ITGB2: variants seen among roughly 807,000 people sequenced by gnomAD.
ITGB2 encodes the protein integrin beta-2.
A neutral mutation model predicts 86.8 loss-of-function variants in ITGB2; 56 were observed. The observed-to-expected ratio is 0.65, with a 90% CI of 0.52 to 0.81. The LOEUF (loss-of-function observed/expected upper bound fraction) is 0.81. ITGB2 is among the 30% of genes least tolerant of loss of function. The pLI, the probability that ITGB2 is intolerant of heterozygous loss-of-function variation, is 0.00. For synonymous variants in ITGB2, 457 were observed against 450.4 expected (o/e 1.01, Z -0.19); for missense variants, 948 against 1,061.2 (o/e 0.89, Z 1.48).
At chr21:44,888,987 G>T in intron 13 of ITGB2, 92 bp from the exon 14 acceptor site, 3 of 1,200,268 alleles carry the variant, frequency 2.5e-6, no homozygotes, top group Non-Finnish European at 3.6e-6. Flanking sequence ...ACCAGGGGGG[G>T]CAGGTGGGGT....
rs55865320 is a variant in ITGB2 at position 44,901,744 on chromosome 21, C to A, written c.500-11G>T. The A allele has an allele frequency of 0.17, 279,161 of 1,603,694 alleles. 25,438 individuals are homozygous for A. Among genetic ancestry groups the A allele is most frequent in the Middle Eastern group, 0.29 (1,765 of 6,026 alleles). ...CGAAGGACCCGAAGCCTGCAGGGCA[C>A]ATGGAGGGGCTGGGGAGGTGGCAGG... On this transcript the variant is annotated splice_polypyrimidine_tract_variant and intron_variant, in intron 5 of 15. Transcript: ENST00000652462.
At chr21:44,901,956 G>A (rs1371997657) in intron 5 of ITGB2, 6 of 585,250 alleles carry the variant, frequency 1.0e-5, no homozygotes. Context: ...CAATGTACAT[G>A]GATGAGCATA....
At chr21:44,893,380 G>A in intron 10 of ITGB2, 24 bp downstream of exon 10, 1 of 1,612,712 alleles carries the variant, frequency 6.2e-7, no homozygotes, top group Non-Finnish European at 8.5e-7. Flanking sequence ...AAGCTGGGAT[G>A]GGGACCCTTG....
chr21:44,892,103 G>C, intron 10 of ITGB2, 107 bp from the exon 11 acceptor site: 1 of 1,126,890 alleles, frequency 8.9e-7, no homozygotes, highest in South Asian at 1.3e-5. Flanking sequence ...GGGGTTCAGC[G>C]TGGGGAGGAA....
intron 5 of ITGB2, among the ~76,000 whole-genome samples, chr21:44,903,035 A>G (rs1024529761): frequency 2.0e-5 from 3 of 152,198 alleles, no homozygotes; most frequent in African/African-American, 7.2e-5. Context: ...TGTGCCGTCT[A>G]TATGTGTTGT....
intron 9 of ITGB2, 153 bp from the exon 10 acceptor site, chr21:44,893,697 G>C (rs1014028395): frequency 1.9e-5 from 20 of 1,031,028 alleles, no homozygotes; most frequent in Non-Finnish European, 2.9e-5. Context: ...AGGATGTGCT[G>C]AGGATGGCAG....
At chr21:44,895,986 C>T (rs1287720200) in intron 8 of ITGB2, among the ~76,000 whole-genome samples, 1 of 152,140 alleles carries the variant, frequency 6.6e-6, no homozygotes, top group African/African-American at 2.4e-5. Context: ...ATTGTCCAGG[C>T]CTGCCCGTGT....
chr21:44,919,021 G>GAGCGTCCCCT (rs2084254519), intron 1 of ITGB2, among the ~76,000 whole-genome samples: 11 of 40,268 alleles, frequency 2.7e-4, no homozygotes, highest in South Asian at 5.3e-4. Flanking sequence ...GCACTCGGAG[G>GAGCGTCCCCT]CACCTGCAGT....
intron 6 of ITGB2, 77 bp from the exon 7 acceptor site, chr21:44,900,552 G>A: frequency 6.4e-7 from 1 of 1,574,158 alleles, no homozygotes; most frequent in Non-Finnish European, 8.7e-7. Context: ...AGGAGACGAT[G>A]CAGAGCTGGT....
In ITGB2 at chr21:44,886,242, A is replaced by G. The variant is rs2083696300; in HGVS notation, c.*126T>C. On this transcript the variant is annotated 3_prime_UTR_variant, in exon 16 of 16. Transcript: ENST00000652462. ...CCGGCCGGCCATGGCTGTCATTTTG[A>G]GGGCGGAAAATAACTGGATTTCTGG... The G allele has an allele frequency of 8.3e-6, 8 of 964,574 alleles. No individual in the cohort carries two copies. In the South Asian group the frequency reaches 1.0e-4, roughly 13 times the overall value. 59.8% of individuals were successfully genotyped at this position (964,574 alleles called of 1,614,324 possible).
chr21:44,921,601 G>A (rs2084305989), upstream of ITGB2, among the ~76,000 whole-genome samples: 1 of 151,886 alleles, frequency 6.6e-6, no homozygotes, highest in South Asian at 2.1e-4. Flanking sequence ...AGAGGAGGAG[G>A]AGGAGGAAGA....
At chr21:44,899,246 T>G in intron 7 of ITGB2, 84 bp from the exon 8 acceptor site, 1 of 1,044,490 alleles carries the variant, frequency 9.6e-7, no homozygotes, top group South Asian at 1.3e-5. Context: ...CCGCTCAGCG[T>G]CAGCCCTGCC....
Position 44,903,547 on chromosome 21 carries a change from G to A in ITGB2, c.329-12C>T. 1 of 1,613,864 alleles carries A rather than the reference G, an allele frequency of 6.2e-7. No homozygotes were observed. Among genetic ancestry groups the A allele is most frequent in the Non-Finnish European group, 8.5e-7 (1 of 1,179,898 alleles). On this transcript the variant is annotated splice_polypyrimidine_tract_variant and intron_variant, in intron 4 of 15. Coordinates refer to ENST00000652462, the MANE Select transcript of ITGB2 (RefSeq NM_000211.5). ...CGCTGCTGCCTGGCCTGCCGGTGGG[G>A]ACAGAACAAAAGGAGCCACACCTCA...
intron 1 of ITGB2, chr21:44,911,435 G>C (rs925681846): frequency 2.0e-5 from 3 of 153,498 alleles, no homozygotes; most frequent in African/African-American, 7.2e-5. Context: ...GCCTGTGCTT[G>C]GAGGAGAGCT....
At chr21:44,891,730 G>T (rs1392186513) in intron 11 of ITGB2, 79 bp downstream of exon 11, 1 of 1,503,900 alleles carries the variant, frequency 6.6e-7, no homozygotes, top group Non-Finnish European at 9.1e-7. Context: ...GGAGCCACCT[G>T]CACCCACCTC....
At position 44,888,909 on chromosome 21, in the gene ITGB2, G is replaced by T. The variant is rs1376407523; in HGVS notation, c.1878-14C>A. Reference sequence around the variant, plus strand: ...TCGGCGCAGGAGCTGCGGGGAGCCAGGTGTGAGCATCGGTGCCAGGGTGTG... The same window carrying T: ...TCGGCGCAGGAGCTGCGGGGAGCCATGTGTGAGCATCGGTGCCAGGGTGTG... On this transcript the variant is annotated splice_polypyrimidine_tract_variant and intron_variant, in intron 13 of 15. Transcript: ENST00000652462. The T allele has an allele frequency of 3.1e-6, 5 of 1,601,442 alleles. No individual in the cohort carries two copies. Among genetic ancestry groups the T allele is most frequent in the Non-Finnish European group, 4.2e-6 (5 of 1,179,632 alleles).
intron 13 of ITGB2, 37 bp downstream of exon 13, chr21:44,889,239 G>C (rs763253624): frequency 4.4e-6 from 7 of 1,595,378 alleles, no homozygotes; most frequent in Non-Finnish European, 6.0e-6. Context: ...GGGGAGTGGG[G>C]ATCCCTGCCC....
Position 44,888,695 on chromosome 21 carries a change from C to T in ITGB2, c.2078G>A (p.Arg693Gln), listed in dbSNP as rs200335681. ...CCGCTGCACCCCAGCGGCCTCACCT[C>T]GGCTCTCATCCACATAGATGAGGTA... ...DRYLIYVDES[R>Q]ECVAGPNIAA... is the part of the protein sequence containing the mutation. The change falls in exon 14 of 16, where the codon CGA becomes CAA. Residue 693 changes from arginine to glutamine, a missense_variant and splice_region_variant. Arg to Gln is a conservative substitution (Grantham distance 43). Transcript: ENST00000652462. 119 of 1,607,680 alleles carry T rather than the reference C, an allele frequency of 7.4e-5. No individual in the cohort carries two copies. Among genetic ancestry groups the T allele is most frequent in the Admixed American group, 2.7e-4 (16 of 60,032 alleles).
Position 44,886,920 on chromosome 21 carries a change from C to T in ITGB2, c.2081-18G>A. The T allele has an allele frequency of 3.1e-6, 5 of 1,611,132 alleles. No individual in the cohort carries two copies. Among genetic ancestry groups the T allele is most frequent in the Non-Finnish European group, 4.2e-6 (5 of 1,179,968 alleles). ...CACACACTCTAGGGAAGAAGCAGCACACCTGAGCGTCAGTCCAGCCCCATC... is the reference window on the plus strand; with the variant it reads ...CACACACTCTAGGGAAGAAGCAGCATACCTGAGCGTCAGTCCAGCCCCATC... On this transcript the variant is annotated intron_variant, in intron 14 of 15. Transcript: ENST00000652462.
Sources: allele counts gnomAD v4.1 joint callset (sites outside exome capture counted in the v4.1 genomes callset), GRCh38; gene constraint gnomAD v4.1.1; transcripts MANE v1.5; gene names NCBI Gene and HGNC (gene_info 2026-07-23, HGNC 2026-07-21).